Variants in SLC9A9 observed in about 807,000 individuals in gnomAD.
SLC9A9 encodes the protein solute carrier family 9 member A9.
A neutral mutation model predicts 77.8 loss-of-function variants in SLC9A9; 62 were observed. That is an observed-to-expected ratio of 0.80 (90% CI 0.65 to 0.98). The LOEUF (loss-of-function observed/expected upper bound fraction) is 0.98, where lower values mean the gene tolerates loss of function less well. Among genes scored for constraint, SLC9A9 ranks in the 50% least tolerant of loss-of-function variants. The pLI, the probability that SLC9A9 is intolerant of heterozygous loss-of-function variation, is 0.00. For synonymous variants in SLC9A9, 320 were observed against 283.5 expected (o/e 1.13, Z -1.29); for missense variants, 775 against 774.9 (o/e 1.00, Z 0.00).
intron 2 of SLC9A9, among the ~76,000 whole-genome samples, chr3:143,830,413 G>A (rs780996661): frequency 9.2e-5 from 14 of 152,266 alleles, no homozygotes; most frequent in African/African-American, 1.7e-4. Context: ...CAACTTAGAC[G>A]TTTTCTCCAT....
At chr3:143,268,474 C>T (rs1937795578) in intron 15 of SLC9A9, among the ~76,000 whole-genome samples, 1 of 151,986 alleles carries the variant, frequency 6.6e-6, no homozygotes. Context: ...TGGCTCATGC[C>T]TGTAATCCCA....
At chr3:143,774,597 A>C (rs976287310) in intron 4 of SLC9A9, among the ~76,000 whole-genome samples, 20 of 152,216 alleles carry the variant, frequency 1.3e-4, no homozygotes, top group African/African-American at 4.6e-4. Context: ...AGCATAAGAC[A>C]GAGTAGCCTG....
At chr3:143,456,633 C>T (rs1282176057) in intron 12 of SLC9A9, among the ~76,000 whole-genome samples, 2 of 150,364 alleles carry the variant, frequency 1.3e-5, no homozygotes, top group African/African-American at 2.4e-5. Flanking sequence ...GGCACAATAT[C>T]GGCTCACTGC....
intron 14 of SLC9A9, chr3:143,342,329 C>T (rs1365525219): frequency 6.6e-6 from 1 of 152,204 alleles, no homozygotes; most frequent in African/African-American, 2.4e-5. Flanking sequence ...GATTACAAGG[C>T]ATGTGCTACC....
chr3:143,281,506 A>T lies in SLC9A9; in HGVS notation c.1605-12526T>A, dbSNP rs148323384. Among the ~76,000 whole-genome samples the T allele has an allele frequency of 7.7e-4, 117 of 152,346 alleles. No homozygotes were observed. In the East Asian group the frequency reaches 0.016, roughly 21 times the overall value. On this transcript the variant is annotated intron_variant, in intron 14 of 15. Transcript: ENST00000316549. ...CCAAAGTGGAGACAGGGAGCACCAC[A>T]GAAGACGGAGAGCACATACTAGCAC...
intron 4 of SLC9A9, among the ~76,000 whole-genome samples, chr3:143,715,526 A>G (rs975885479): frequency 6.6e-6 from 1 of 152,248 alleles, no homozygotes; most frequent in Non-Finnish European, 1.5e-5. Context: ...AGCACTCAGC[A>G]TAGGATAAAT....
At chr3:143,812,455 C>A (rs1052546736) in intron 2 of SLC9A9, among the ~76,000 whole-genome samples, 1 of 152,126 alleles carries the variant, frequency 6.6e-6, no homozygotes, top group Admixed American at 6.5e-5. Flanking sequence ...TGGCTGTGCT[C>A]AAAAATGTAT....
At chr3:143,809,815 G>T (rs1322495343) in intron 2 of SLC9A9, among the ~76,000 whole-genome samples, 1 of 152,222 alleles carries the variant, frequency 6.6e-6, no homozygotes, top group Non-Finnish European at 1.5e-5. Context: ...AGCCACATGA[G>T]CCATTGAACA....
At position 143,753,730 on chromosome 3, in the gene SLC9A9, G is replaced by A. The variant is rs1373786545; in HGVS notation, c.533+41271C>T. 2.6e-5 allele frequency among the ~76,000 whole-genome samples: 4 copies of A among 152,158 alleles called. No individual in the cohort carries two copies. In the East Asian group the frequency reaches 5.8e-4, roughly 22 times the overall value. ...ACTTAGTCCTCTGGAGCTTTAAGCT[G>A]TGGCCAGCCCTAGCCTTTCTGGGAT... On this transcript the variant is annotated intron_variant, in intron 4 of 15. Transcript: ENST00000316549.
intron 5 of SLC9A9, among the ~76,000 whole-genome samples, chr3:143,692,986 C>T (rs1178609490): frequency 6.6e-6 from 1 of 152,182 alleles, no homozygotes; most frequent in Non-Finnish European, 1.5e-5. Flanking sequence ...TCTCCCACTA[C>T]TGAAATTACT....
chr3:143,773,876 A>T (rs538815463), intron 4 of SLC9A9, among the ~76,000 whole-genome samples: 2 of 152,322 alleles, frequency 1.3e-5, no homozygotes, highest in East Asian at 1.9e-4. Flanking sequence ...AGCCATTTCC[A>T]GTGTGAGGTT....
At chr3:143,839,501 T>TAC (rs57906338) in intron 1 of SLC9A9, among the ~76,000 whole-genome samples, 117 of 150,242 alleles carry the variant, frequency 7.8e-4, no homozygotes, top group African/African-American at 2.6e-3. Flanking sequence ...ACAACACACA[T>TAC]ACACACACAC....
chr3:143,832,233 A>T lies in SLC9A9; in HGVS notation c.176-12T>A, dbSNP rs2009456341. 1 of 1,600,278 alleles carries T rather than the reference A, an allele frequency of 6.2e-7. No individual in the cohort carries two copies. Among genetic ancestry groups the T allele is most frequent in the African/African-American group, 1.3e-5 (1 of 74,610 alleles). ...TCCCATTATAAGGCCTAAAAAAAAAAGAATAAATAATGGTACTGGAGGAAG... is the reference window on the plus strand; with the variant it reads ...TCCCATTATAAGGCCTAAAAAAAAATGAATAAATAATGGTACTGGAGGAAG... On this transcript the variant is annotated splice_polypyrimidine_tract_variant and intron_variant, in intron 1 of 15. Coordinates refer to ENST00000316549, the MANE Select transcript of SLC9A9 (RefSeq NM_173653.4).
At chr3:143,726,093 T>C (rs1934643585) in intron 4 of SLC9A9, among the ~76,000 whole-genome samples, 1 of 151,904 alleles carries the variant, frequency 6.6e-6, no homozygotes, top group Admixed American at 6.6e-5. Flanking sequence ...ATAATTTTAA[T>C]AGCTCATTAA....
At chr3:143,794,213 G>A (rs535901908) in intron 4 of SLC9A9, among the ~76,000 whole-genome samples, 3 of 152,280 alleles carry the variant, frequency 2.0e-5, no homozygotes, top group African/African-American at 7.2e-5. Context: ...TTTAGCATCA[G>A]TTTCTTGTGC....
intron 1 of SLC9A9, among the ~76,000 whole-genome samples, chr3:143,840,957 A>G (rs572973410): frequency 1.3e-5 from 2 of 152,246 alleles, no homozygotes; most frequent in East Asian, 3.9e-4. Context: ...ATATAGTTAC[A>G]TATCTCAATC....
intron 14 of SLC9A9, among the ~76,000 whole-genome samples, chr3:143,292,609 G>T (rs920316801): frequency 6.6e-6 from 1 of 152,110 alleles, no homozygotes; most frequent in African/African-American, 2.4e-5. Flanking sequence ...AACGAGGTGT[G>T]TGGATTAGAG....
chr3:143,645,529 G>T (rs548314399), intron 6 of SLC9A9, among the ~76,000 whole-genome samples: 1 of 152,288 alleles, frequency 6.6e-6, no homozygotes, highest in Non-Finnish European at 1.5e-5. Context: ...CATTTCTCTT[G>T]AACGGTTGGA....
intron 4 of SLC9A9, among the ~76,000 whole-genome samples, chr3:143,743,573 GTTTTGGT>G (rs1380253307): frequency 1.3e-5 from 2 of 152,036 alleles, no homozygotes; most frequent in African/African-American, 2.4e-5. Context: ...TTTCTGTTTT[GTTTTGGT>G]TTTTGGTTTT....
Sources: allele counts gnomAD v4.1 joint callset (sites outside exome capture counted in the v4.1 genomes callset), GRCh38; gene constraint gnomAD v4.1.1; transcripts MANE v1.5; gene names NCBI Gene and HGNC (gene_info 2026-07-23, HGNC 2026-07-21).